TSPEAR: variants seen among roughly 807,000 people sequenced by gnomAD.
TSPEAR encodes thrombospondin type laminin G domain and EAR repeats.
TSPEAR carries 69 observed loss-of-function variants against 71.6 expected under a neutral mutation model. That is an observed-to-expected ratio of 0.96 (90% CI 0.79 to 1.18). The LOEUF (loss-of-function observed/expected upper bound fraction) is 1.18, where lower values mean the gene tolerates loss of function less well. Among genes scored for constraint, TSPEAR ranks in the 50% most tolerant of loss-of-function variants. The pLI is 0.00. For missense variants in TSPEAR, 971 were observed against 894.9 expected (o/e 1.09, Z -1.09); for synonymous variants, 402 against 387.2 (o/e 1.04, Z -0.45).
chr21:44,668,274 AG>A (rs1228204965), intron 1 of TSPEAR, among the ~76,000 whole-genome samples: 1 of 152,242 alleles, frequency 6.6e-6, no homozygotes, highest in East Asian at 1.9e-4. Context: ...TAATCTCAAA[AG>A]GAAAGTACAA....
intron 1 of TSPEAR, among the ~76,000 whole-genome samples, chr21:44,699,026 C>A (rs185428045): frequency 3.9e-5 from 6 of 152,186 alleles, no homozygotes; most frequent in South Asian, 4.1e-4. Flanking sequence ...CATAGTGAGA[C>A]CTTGTCTCTA....
intron 11 of TSPEAR, among the ~76,000 whole-genome samples, chr21:44,503,928 C>T (rs2052117555): frequency 7.1e-6 from 1 of 141,742 alleles, no homozygotes; most frequent in Non-Finnish European, 1.5e-5. Context: ...TCGGTGAGCC[C>T]TCGGCGGGAA....
intron 2 of TSPEAR, among the ~76,000 whole-genome samples, chr21:44,553,343 A>T (rs2053477057): frequency 6.6e-6 from 1 of 152,078 alleles, no homozygotes. Context: ...CTCCGATTCT[A>T]AAAATAAAAA....
Position 44,525,844 on chromosome 21 carries a change from AAG to A in TSPEAR, c.1150-7_1150-6del. ...ATTAGCCACTGCCAGGAAGATCTGA[AAG>A]AGAGTAAACCGGGACCACGTGGTTC... is the stretch of plus-strand genomic sequence containing the variant. On this transcript the variant is annotated splice_region_variant and splice_polypyrimidine_tract_variant and intron_variant, in intron 7 of 11. Coordinates refer to ENST00000323084, the MANE Select transcript of TSPEAR (RefSeq NM_144991.3). The A allele has an allele frequency of 3.1e-6, 5 of 1,613,940 alleles. No individual in the cohort carries two copies. The South Asian group carries it at 3.3e-5, about 11-fold the overall frequency.
At chr21:44,555,056 A>G (rs1555919548) in intron 2 of TSPEAR, among the ~76,000 whole-genome samples, 1 of 152,240 alleles carries the variant, frequency 6.6e-6, no homozygotes, top group East Asian at 1.9e-4. Context: ...ATATTTTTCA[A>G]AACAGCAAAT....
intron 1 of TSPEAR, among the ~76,000 whole-genome samples, chr21:44,571,094 C>T (rs2146078477): frequency 6.6e-6 from 1 of 152,292 alleles, no homozygotes; most frequent in South Asian, 2.1e-4. Flanking sequence ...TAGGAGAAAA[C>T]ACCAACTCTT....
chr21:44,702,155 C>T (rs1235314554), intron 1 of TSPEAR: 19 of 1,341,174 alleles, frequency 1.4e-5, no homozygotes, highest in South Asian at 2.7e-5. Flanking sequence ...GAGACTGAAG[C>T]GATGGAGCAG....
At chr21:44,672,153 A>ATTTTT (rs1555946063) in intron 1 of TSPEAR, among the ~76,000 whole-genome samples, 5 of 152,216 alleles carry the variant, frequency 3.3e-5, no homozygotes, top group Non-Finnish European at 7.3e-5. Context: ...ACTCAGTCAG[A>ATTTTT]CAAAAAGAAA....
At chr21:44,676,196 C>A in intron 1 of TSPEAR, 1 of 1,283,156 alleles carries the variant, frequency 7.8e-7, no homozygotes, top group South Asian at 1.2e-5. Flanking sequence ...CTGGTTTAAT[C>A]AATCATTGCT....
At chr21:44,643,908 C>T (rs782589262) in intron 1 of TSPEAR, among the ~76,000 whole-genome samples, 7 of 152,244 alleles carry the variant, frequency 4.6e-5, no homozygotes, top group Non-Finnish European at 7.3e-5. Flanking sequence ...CTGCTGTCAT[C>T]GCGTCTCCAG....
At chr21:44,637,879 C>A in intron 1 of TSPEAR, 1 of 1,528,706 alleles carries the variant, frequency 6.5e-7, no homozygotes, top group Middle Eastern at 1.7e-4. Flanking sequence ...GCTCTAAGTC[C>A]GTCTGCTATG....
At position 44,525,749 on chromosome 21, in the gene TSPEAR, T is replaced by C. The variant is rs782088487; in HGVS notation, c.1240A>G (p.Thr414Ala). ...TGTGTGGCAATGCTCTGATATGGGG[T>C]AAACTTCAGCTTTCTGTGGCTCCAT... ...YKWSHRKLKF[T>A]PYQSIATHSA... is the part of the protein sequence containing the mutation. Residue 414 changes from threonine to alanine, a missense_variant, in exon 8 of 12, where the codon ACC becomes GCC. Physicochemically the swap from Thr to Ala is moderately conservative, Grantham distance 58. Coordinates refer to ENST00000323084, the MANE Select transcript of TSPEAR (RefSeq NM_144991.3). The C allele has an allele frequency of 3.8e-5, 62 of 1,614,070 alleles. 1 individual carries two copies. In the South Asian group the frequency reaches 6.7e-4, roughly 17 times the overall value.
intron 2 of TSPEAR, chr21:44,538,845 AC>A: frequency 4.3e-6 from 1 of 232,736 alleles, no homozygotes; most frequent in East Asian, 1.1e-4. Context: ...CCACCTGGTG[AC>A]CCCCTGGAGG....
At chr21:44,663,120 A>AG (rs1985584573) in intron 1 of TSPEAR, among the ~76,000 whole-genome samples, 1 of 150,636 alleles carries the variant, frequency 6.6e-6, no homozygotes, top group African/African-American at 2.4e-5. Context: ...GAAAAAAAAA[A>AG]TGAAGTAGAA....
intron 1 of TSPEAR, among the ~76,000 whole-genome samples, chr21:44,704,404 T>C (rs1276856432): frequency 6.6e-6 from 1 of 152,122 alleles, no homozygotes; most frequent in Non-Finnish European, 1.5e-5. Flanking sequence ...TCTAGCCAAG[T>C]CCACCCCCAA....
At chr21:44,535,937 T>C (rs889222269) in intron 2 of TSPEAR, among the ~76,000 whole-genome samples, 15 of 151,084 alleles carry the variant, frequency 9.9e-5, no homozygotes, top group Non-Finnish European at 2.1e-4. Flanking sequence ...AAACTATCTA[T>C]GGGGCTATTA....
chr21:44,512,635 T>G (rs1423625230), intron 9 of TSPEAR, among the ~76,000 whole-genome samples: 1 of 152,110 alleles, frequency 6.6e-6, no homozygotes, highest in Non-Finnish European at 1.5e-5. Flanking sequence ...GGCAGTCTGG[T>G]CTGGTGGGAC....
intron 1 of TSPEAR, chr21:44,697,130 A>G (rs971389347): frequency 5.1e-6 from 8 of 1,567,796 alleles, no homozygotes; most frequent in East Asian, 4.5e-5. Context: ...CCTCCTTCCC[A>G]TCCAGCACCC....
intron 1 of TSPEAR, chr21:44,574,451 C>A: frequency 6.3e-7 from 1 of 1,599,218 alleles, no homozygotes. Context: ...GCTGCGTGCC[C>A]GTCTGCTGCA....
Sources: gnomAD v4.1 joint callset for allele counts (sites outside exome capture counted in the v4.1 genomes callset) on GRCh38, gnomAD v4.1.1 for gene constraint, MANE v1.5 for transcripts, NCBI Gene and HGNC (gene_info 2026-07-23, HGNC 2026-07-21) for gene names.